Variants in ZEB2 observed in about 807,000 individuals in gnomAD.
ZEB2 encodes the protein zinc finger E-box binding homeobox 2, also known as zinc finger E-box-binding homeobox 2.
Under a neutral mutation model 99.9 loss-of-function variants are expected in ZEB2, and 6 were observed. The observed-to-expected ratio is 0.06, with a 90% confidence interval of 0.03 to 0.12. ZEB2 has a LOEUF of 0.12. Ranked by LOEUF, ZEB2 falls within the 10% of genes least tolerant of loss-of-function variation. ZEB2 has a pLI of 1.00. For missense variants in ZEB2, 969 were observed against 1,502.8 expected, an observed-to-expected ratio of 0.64 and a Z score of 5.87; for synonymous variants, 517 against 542.5, an observed-to-expected ratio of 0.95 and a Z score of 0.65.
At chr2:144,476,920 T>C (rs1704438038) in intron 2 of ZEB2, among the ~76,000 whole-genome samples, 1 of 152,222 alleles carries the variant, frequency 6.6e-6, no homozygotes, top group Non-Finnish European at 1.5e-5. Context: ...AACAGCCAAA[T>C]GCAACTTTCA....
intron 2 of ZEB2, among the ~76,000 whole-genome samples, chr2:144,478,040 C>A (rs1048387895): frequency 6.6e-6 from 1 of 152,142 alleles, no homozygotes; most frequent in Admixed American, 6.6e-5. Context: ...CATCCCGTCA[C>A]CCATGGATGC....
At chr2:144,505,123 A>C (rs1704934498) in intron 2 of ZEB2, among the ~76,000 whole-genome samples, 1 of 152,054 alleles carries the variant, frequency 6.6e-6, no homozygotes, top group African/African-American at 2.4e-5. Flanking sequence ...GGTTTTAGTC[A>C]GAGAATAATG....
chr2:144,421,887 C>T (rs1703623426), intron 4 of ZEB2, among the ~76,000 whole-genome samples: 1 of 152,120 alleles, frequency 6.6e-6, no homozygotes, highest in Non-Finnish European at 1.5e-5. Flanking sequence ...CCTATATTCC[C>T]ATATCTATAT....
intron 4 of ZEB2, among the ~76,000 whole-genome samples, chr2:144,411,057 C>CCA (rs1406951281): frequency 4.9e-5 from 2 of 40,754 alleles, no homozygotes; most frequent in Non-Finnish European, 9.2e-5. Flanking sequence ...ACAGACATGT[C>CCA]TATATATATA....
At chr2:144,408,089 C>T (rs544462474) in intron 4 of ZEB2, among the ~76,000 whole-genome samples, 1 of 152,188 alleles carries the variant, frequency 6.6e-6, no homozygotes, top group Non-Finnish European at 1.5e-5. Context: ...ATTGCTAGAT[C>T]AAATTTGGCT....
At chr2:144,458,392 T>C (rs1019335228) in intron 2 of ZEB2, among the ~76,000 whole-genome samples, 1 of 152,078 alleles carries the variant, frequency 6.6e-6, no homozygotes, top group East Asian at 1.9e-4. Flanking sequence ...CTATAACAAG[T>C]TGCCTGATTT....
chr2:144,418,661 C>A (rs1435394052), intron 4 of ZEB2, among the ~76,000 whole-genome samples: 2 of 151,694 alleles, frequency 1.3e-5, no homozygotes, highest in Admixed American at 1.3e-4. Flanking sequence ...GCACTCCAGC[C>A]CGGGCAAAAA....
intron 2 of ZEB2, among the ~76,000 whole-genome samples, chr2:144,491,278 G>C (rs1267357064): frequency 1.3e-5 from 2 of 151,340 alleles, no homozygotes; most frequent in Non-Finnish European, 2.9e-5. Flanking sequence ...TTACTTCAGT[G>C]GTCCCAATAT....
intron 4 of ZEB2, among the ~76,000 whole-genome samples, chr2:144,406,835 C>T (rs1054086160): frequency 6.6e-6 from 1 of 152,080 alleles, no homozygotes; most frequent in Non-Finnish European, 1.5e-5. Context: ...AAAAGTAGGT[C>T]CTGGGAATCC....
intron 7 of ZEB2, 122 bp from the exon 8 acceptor site, chr2:144,400,392 A>G: frequency 9.5e-7 from 1 of 1,056,602 alleles, no homozygotes; most frequent in South Asian, 1.4e-5. Flanking sequence ...TCTACATTCT[A>G]GGTACTTAGA....
intron 2 of ZEB2, among the ~76,000 whole-genome samples, chr2:144,468,082 G>C (rs1560636843): frequency 6.6e-6 from 1 of 152,092 alleles, no homozygotes; most frequent in Non-Finnish European, 1.5e-5. Context: ...CTGGGTTGGG[G>C]GGATCTGGCA....
At chr2:144,512,834 C>A in intron 2 of ZEB2, 16 of 1,287,174 alleles carry the variant, frequency 1.2e-5, no homozygotes, top group Non-Finnish European at 1.6e-5. Flanking sequence ...AAGATCTCCA[C>A]AGAGAAAAAA....
At chr2:144,469,055 C>T (rs1704315111) in intron 2 of ZEB2, among the ~76,000 whole-genome samples, 1 of 152,074 alleles carries the variant, frequency 6.6e-6, no homozygotes, top group Non-Finnish European at 1.5e-5. Context: ...ATCTGTAAGG[C>T]TCTGTGAGGA....
intron 2 of ZEB2, among the ~76,000 whole-genome samples, chr2:144,509,633 TGCATGTGTGTGAGC>T (rs1293790037): frequency 6.6e-6 from 1 of 152,004 alleles, no homozygotes; most frequent in Non-Finnish European, 1.5e-5. Context: ...GTGTGTGTGG[TGCATGTGTGTGAGC>T]GCATTGTATC....
intron 2 of ZEB2, among the ~76,000 whole-genome samples, chr2:144,486,318 T>C (rs1390837103): frequency 2.6e-5 from 4 of 151,598 alleles, no homozygotes; most frequent in African/African-American, 4.8e-5. Flanking sequence ...CCTGAAAAAA[T>C]AGGTAATTCA....
chr2:144,488,735 G>C (rs933313785), intron 2 of ZEB2, among the ~76,000 whole-genome samples: 2 of 150,844 alleles, frequency 1.3e-5, no homozygotes, highest in Non-Finnish European at 2.9e-5. Context: ...ACAAACTCTT[G>C]AAACAACTGA....
intron 2 of ZEB2, among the ~76,000 whole-genome samples, chr2:144,485,606 C>T (rs1278487337): frequency 6.6e-6 from 1 of 152,032 alleles, no homozygotes; most frequent in Non-Finnish European, 1.5e-5. Context: ...TGCCTTCTCT[C>T]TTCCTTTTCT....
chr2:144,459,924 T>G (rs2149903588), intron 2 of ZEB2, among the ~76,000 whole-genome samples: 1 of 152,306 alleles, frequency 6.6e-6, no homozygotes, highest in African/African-American at 2.4e-5. Flanking sequence ...CCGAAACTTT[T>G]GGCCCTGTGC....
At position 144,389,353 on chromosome 2, in the gene ZEB2, G is replaced by C. The variant is rs1264109676; in HGVS notation, c.*98C>G. 2.2e-6 allele frequency: 3 copies of C among 1,381,512 alleles called. No homozygotes were observed. Among genetic ancestry groups the C allele is most frequent in the Admixed American group, 1.7e-5 (1 of 59,458 alleles). The allele number at this position is 1,381,512 out of a possible 1,614,324, so 85.6% of individuals were successfully genotyped here. On this transcript the variant is annotated 3_prime_UTR_variant, in exon 10 of 10. Coordinates refer to ENST00000627532, the MANE Select transcript of ZEB2 (RefSeq NM_014795.4). The surrounding 1 kb of genome is among the most constrained non-coding windows in gnomAD (Gnocchi z 6.8). The stretch of plus-strand genomic sequence containing the variant: ...TCCCTCTCTACAGCTTCCTGGAAGC[G>C]TCAGGCACGTGCATGAACAGCTTAA...
Sources: gnomAD v4.1 joint callset for allele counts (sites outside exome capture counted in the v4.1 genomes callset) on GRCh38, gnomAD v4.1.1 for gene constraint, Gnocchi (gnomAD v3.1) non-coding constraint, MANE v1.5 for transcripts, NCBI Gene and HGNC (gene_info 2026-07-23, HGNC 2026-07-21) for gene names.